The following RBM5 variants were observed in gnomAD, a reference collection of about 807,000 sequenced individuals.
RBM5 encodes the protein RNA-binding protein 5.
In RBM5, 15 loss-of-function variants were observed where a neutral mutation model predicts 124.6. That is an observed-to-expected ratio of 0.12 (90% CI 0.08 to 0.19). The LOEUF (loss-of-function observed/expected upper bound fraction) is 0.19. Ranked by LOEUF, RBM5 falls within the 10% of genes least tolerant of loss-of-function variation. The probability of loss-of-function intolerance (pLI) is 1.00; values close to 1 mark genes in which losing one functional copy is unlikely to be tolerated. For missense variants in RBM5, 580 were observed against 1,026.5 expected, an observed-to-expected ratio of 0.57 and a Z score of 5.94; for synonymous variants, 337 against 361.2, an observed-to-expected ratio of 0.93 and a Z score of 0.76.
intron 2 of RBM5, among the ~76,000 whole-genome samples, chr3:50,090,943 G>A (rs1031105982): frequency 1.3e-5 from 2 of 152,198 alleles, no homozygotes; most frequent in African/African-American, 4.8e-5. Flanking sequence ...TTAGAGAGCT[G>A]AGAAGCTTGG....
Position 50,106,751 on chromosome 3 carries a change from T to C in RBM5, c.856-16T>C, listed in dbSNP as rs2091041080. On this transcript the variant is annotated splice_polypyrimidine_tract_variant and intron_variant, in intron 10 of 24. Coordinates refer to ENST00000347869, the MANE Select transcript of RBM5 (RefSeq NM_005778.4). ...TAATTGCATTACACGTTTTTTTCCT[T>C]CACATTCTCCTTCAGGATGCTTCTC... 1 of 1,564,382 alleles carries C rather than the reference T, an allele frequency of 6.4e-7. No homozygotes were observed. Among genetic ancestry groups the C allele is most frequent in the Non-Finnish European group, 8.8e-7 (1 of 1,135,628 alleles).
intron 1 of RBM5, chr3:50,090,046 A>C (rs1453740970): frequency 5.4e-6 from 1 of 186,146 alleles, no homozygotes; most frequent in Non-Finnish European, 1.1e-5. Flanking sequence ...TTTGATACAA[A>C]ACCAAGGAGC....
At chr3:50,104,518 C>CTG (rs2090996331) in intron 8 of RBM5, 1 of 532,978 alleles carries the variant, frequency 1.9e-6, no homozygotes, top group South Asian at 2.1e-5. Flanking sequence ...TGGCACACAC[C>CTG]TGTAGTCCTA....
At chr3:50,103,476 G>A (rs969628833) in intron 7 of RBM5, among the ~76,000 whole-genome samples, 11 of 152,052 alleles carry the variant, frequency 7.2e-5, no homozygotes, top group African/African-American at 2.2e-4. Context: ...GCAAAACCCC[G>A]TCTCTACTAA....
chr3:50,094,035 TAATA>T, intron 4 of RBM5, 160 bp downstream of exon 4: 1 of 653,146 alleles, frequency 1.5e-6, no homozygotes, highest in Non-Finnish European at 2.4e-6. Context: ...TATTTTTTTT[TAATA>T]TTTGCATTTA....
At chr3:50,092,814 C>T (rs529236270) in intron 3 of RBM5, 24 of 427,996 alleles carry the variant, frequency 5.6e-5, no homozygotes, top group Non-Finnish European at 8.5e-5. Context: ...TTTGGGAGGC[C>T]GAGGCAGGAG....
At position 50,108,246 on chromosome 3, in the gene RBM5, TCAG is replaced by T. The variant is rs754313504; in HGVS notation, c.1138_1140del (p.Gln380del). Reference sequence around the variant, plus strand: ...CTTTTCTTCAGTATTCACAGGATTATCAGCAGTTTTATCAACAACAAGCTGGAG... The same window carrying T: ...CTTTTCTTCAGTATTCACAGGATTATCAGTTTTATCAACAACAAGCTGGAG... On this transcript the variant is annotated inframe_deletion, in exon 14 of 25. Transcript: ENST00000347869. The T allele has an allele frequency of 1.8e-5, 29 of 1,613,340 alleles. No individual in the cohort carries two copies. The African/African-American group carries it at 3.5e-4, about 19-fold the overall frequency.
intron 8 of RBM5, 148 bp downstream of exon 8, chr3:50,104,456 T>G: frequency 2.8e-6 from 2 of 726,840 alleles, no homozygotes; most frequent in Non-Finnish European, 2.4e-6. Flanking sequence ...TGGCAAGAGA[T>G]AGCAAGACCC....
chr3:50,090,291 G>A, intron 1 of RBM5, 91 bp from the exon 2 acceptor site: 3 of 793,970 alleles, frequency 3.8e-6, no homozygotes, highest in Non-Finnish European at 6.0e-6. Flanking sequence ...AAGGTTTGAT[G>A]AAATCCCAGC....
In RBM5 at chr3:50,110,472, A is replaced by T. The variant is rs370234050; in HGVS notation, c.1363+9A>T. ...TCCTGGTACCAAATATGGTAAGCCA[A>T]ACCTCATGGGGCTGTTGACAGTTGG... is the stretch of plus-strand genomic sequence containing the variant. On this transcript the variant is annotated intron_variant, in intron 16 of 24. Coordinates refer to ENST00000347869, the MANE Select transcript of RBM5 (RefSeq NM_005778.4). The T allele has an allele frequency of 8.1e-6, 13 of 1,610,030 alleles. No individual in the cohort carries two copies. The East Asian group carries it at 8.9e-5, about 11-fold the overall frequency.
intron 22 of RBM5, 165 bp downstream of exon 22, chr3:50,116,145 C>A: frequency 1.6e-6 from 1 of 627,180 alleles, no homozygotes; most frequent in Non-Finnish European, 2.8e-6. Flanking sequence ...CCTCTGTGTG[C>A]CTTGTGAGCC....
intron 12 of RBM5, among the ~76,000 whole-genome samples, 197 bp from the exon 13 acceptor site, chr3:50,107,873 A>T (rs1405190285): frequency 6.6e-6 from 1 of 151,262 alleles, no homozygotes; most frequent in Admixed American, 6.6e-5. Context: ...TTTAGTAGAG[A>T]TGGGATTTCA....
At position 50,106,797 on chromosome 3, in the gene RBM5, A is replaced by T; in HGVS notation, c.886A>T (p.Ser296Cys). Residue 296 changes from serine (S) to cysteine (C), a missense_variant, in exon 11 of 25, where the codon AGT (serine) becomes TGT (cysteine). This residue lies in a region of RBM5 where 42 missense variants were observed against 101.1 expected (regional missense o/e 0.42). Coordinates refer to ENST00000347869, the MANE Select transcript of RBM5 (RefSeq NM_005778.4). ...DASQLLQILQ[S>C]LHPPLKIDGK... Reference sequence around the variant, plus strand: ...TTCTCAGCTGCTTCAGATATTACAGAGTCTCCATCCTCCTTTGAAAATTGA... The same window carrying T: ...TTCTCAGCTGCTTCAGATATTACAGTGTCTCCATCCTCCTTTGAAAATTGA... The T allele has an allele frequency of 6.2e-7, 1 of 1,612,816 alleles. No individual in the cohort carries two copies. Among genetic ancestry groups the T allele is most frequent in the South Asian group, 1.1e-5 (1 of 91,046 alleles).
At chr3:50,099,886 A>C in intron 4 of RBM5, 96 bp from the exon 5 acceptor site, 1 of 1,159,880 alleles carries the variant, frequency 8.6e-7, no homozygotes, top group Non-Finnish European at 1.2e-6. Flanking sequence ...AAAAAAAAAA[A>C]AACTTGGCTA....
In RBM5 at chr3:50,105,259, T is replaced by A. The variant is rs903052188; in HGVS notation, c.694+117T>A. 20 of 878,018 alleles carry A rather than the reference T, an allele frequency of 2.3e-5. No homozygotes were observed. The African/African-American group carries it at 3.0e-4, about 13-fold the overall frequency. 54.4% of individuals were successfully genotyped at this position (878,018 alleles called of 1,614,324 possible). A position where few individuals can be genotyped will look rare whatever the true frequency, so the allele number is the denominator to read the frequency against. ...CTGTCTCTACTAAAAATACAAAAAA[T>A]TAGCTGGGTGTGGTGGCACACACCT... On this transcript the variant is annotated intron_variant, in intron 9 of 24. Coordinates refer to ENST00000347869, the MANE Select transcript of RBM5 (RefSeq NM_005778.4).
chr3:50,110,253 G>A (rs2091118520), intron 15 of RBM5, 126 bp from the exon 16 acceptor site: 4 of 759,042 alleles, frequency 5.3e-6, no homozygotes, highest in Non-Finnish European at 8.6e-6. Context: ...TTTGCTGAGG[G>A]ATTGCCTTAG....
In RBM5 at chr3:50,118,376, G is replaced by C; in HGVS notation, c.2368G>C (p.Ala790Pro). 6.2e-7 allele frequency: 1 copy of C among 1,614,168 alleles called. No homozygotes were observed. Among genetic ancestry groups the C allele is most frequent in the Non-Finnish European group, 8.5e-7 (1 of 1,180,034 alleles). The change falls in exon 25 of 25, where the codon GCA becomes CCA. Residue 790 changes from alanine to proline, a missense_variant. By Grantham distance (27) the Ala-to-Pro change is conservative. This residue lies in a region of RBM5 where 234 missense variants were observed against 435.1 expected (regional missense o/e 0.54). Coordinates refer to ENST00000347869, the MANE Select transcript of RBM5 (RefSeq NM_005778.4). Reference sequence around the variant, plus strand: ...AGCTGGCCTAGGAGCCAAAGGCAGCGCATATGGTTTGTCGGGCGCCGATTC... The same window carrying C: ...AGCTGGCCTAGGAGCCAAAGGCAGCCCATATGGTTTGTCGGGCGCCGATTC... ...KGAGLGAKGS[A>P]YGLSGADSYK... is the part of the protein sequence containing the mutation.
At chr3:50,093,661 G>A in intron 3 of RBM5, 59 bp from the exon 4 acceptor site, 2 of 1,521,054 alleles carry the variant, frequency 1.3e-6, no homozygotes, top group Admixed American at 1.7e-5. Context: ...TAGGAGTGGA[G>A]GGTCTGTTTC....
At chr3:50,099,157 A>T (rs1164344063) in intron 4 of RBM5, among the ~76,000 whole-genome samples, 1 of 151,850 alleles carries the variant, frequency 6.6e-6, no homozygotes, top group Non-Finnish European at 1.5e-5. Context: ...TAGGAGGCTG[A>T]GGTGGGAGGA....
Sources: allele counts gnomAD v4.1 joint callset (sites outside exome capture counted in the v4.1 genomes callset), GRCh38; gene constraint gnomAD v4.1.1; regional missense constraint gnomAD v4.1.1; transcripts MANE v1.5; gene names NCBI Gene and HGNC (gene_info 2026-07-23, HGNC 2026-07-21).